Variants in RAC2 observed in about 807,000 individuals in gnomAD.
The protein encoded by RAC2 is ras-related C3 botulinum toxin substrate 2.
Under a neutral mutation model 24.0 loss-of-function variants are expected in RAC2, and 1 was observed. The observed-to-expected ratio is 0.04, with a 90% CI of 0.01 to 0.20. RAC2 has a LOEUF of 0.20. Ranked by LOEUF, RAC2 falls within the 10% of genes least tolerant of loss-of-function variation. The pLI, the probability that RAC2 is intolerant of heterozygous loss-of-function variation, is 1.00. For synonymous variants in RAC2, 114 were observed against 106.8 expected, an observed-to-expected ratio of 1.07 and a Z score of -0.41; for missense variants, 130 against 259.1, an observed-to-expected ratio of 0.50 and a Z score of 3.42.
At chr22:37,228,804 T>A (rs1926965305) in intron 5 of RAC2, among the ~76,000 whole-genome samples, 7 of 151,666 alleles carry the variant, frequency 4.6e-5, no homozygotes, top group Admixed American at 3.3e-4. Flanking sequence ...AAAGGAAGGG[T>A]GGGGCAGGGA....
intron 2 of RAC2, among the ~76,000 whole-genome samples, chr22:37,240,640 G>A (rs1323882241): frequency 6.6e-6 from 1 of 152,192 alleles, no homozygotes; most frequent in African/African-American, 2.4e-5. Context: ...CTGAGATAAT[G>A]GGAGACCCAC....
In RAC2 at chr22:37,235,485, C is replaced by T. The variant is rs79075893; in HGVS notation, c.108-2567G>A. 3.2e-3 allele frequency among the ~76,000 whole-genome samples: 493 copies of T among 152,316 alleles called. 4 individuals carry two copies. The highest frequency in any genetic ancestry group is 0.01 in the Middle Eastern group (3 of 294). On this transcript the variant is annotated intron_variant, in intron 2 of 6. Coordinates refer to ENST00000249071, the MANE Select transcript of RAC2 (RefSeq NM_002872.5). The stretch of plus-strand genomic sequence containing the variant: ...TTCCAGCCATGTCGGGGCTACCACC[C>T]CACCTAAACCAGCACTCCTTGGGGA...
At chr22:37,229,972 A>G (rs1251731846) in intron 5 of RAC2, among the ~76,000 whole-genome samples, 2 of 151,918 alleles carry the variant, frequency 1.3e-5, no homozygotes, top group East Asian at 3.9e-4. Flanking sequence ...CACAGGCTGG[A>G]GAGCTGCACC....
rs1173583949 is a variant in RAC2 at position 37,232,861 on chromosome 22, C to T, written c.165G>A (p.Leu55=). Residue 55 remains leucine (L), a synonymous_variant, in exon 3 of 7, where the codon CTG becomes CTA. Coordinates refer to ENST00000249071, the MANE Select transcript of RAC2 (RefSeq NM_002872.5). The part of the protein sequence containing the change: ...MVDSKPVNLG[L]WDTAGQEDYD... Reference sequence around the variant, plus strand: ...AGTCCTCCTGCCCAGCAGTGTCCCACAGCCCCAGGTTCACTGGCTTGCTGT... The same window carrying T: ...AGTCCTCCTGCCCAGCAGTGTCCCATAGCCCCAGGTTCACTGGCTTGCTGT... 4 of 1,614,128 alleles carry T rather than the reference C, an allele frequency of 2.5e-6. No individual in the cohort carries two copies. The highest frequency in any genetic ancestry group is 3.4e-6 in the Non-Finnish European group (4 of 1,180,030).
rs1319696413 is a variant in RAC2 at position 37,241,015 on chromosome 22, A to G, written c.107+572T>C. ...TGCTAGGGAGTCGGGGAAATGTCCT[A>G]GGAGTGATGGGGACCCCTGAGGGCT... On this transcript the variant is annotated intron_variant, in intron 2 of 6. Coordinates refer to ENST00000249071, the MANE Select transcript of RAC2 (RefSeq NM_002872.5). 8.4e-6 allele frequency: 6 copies of G among 717,164 alleles called. No homozygotes were observed. In the East Asian group the frequency reaches 1.6e-4, roughly 19 times the overall value. The allele number at this position is 717,164 out of a possible 1,614,324, so 44.4% of individuals were successfully genotyped here.
At chr22:37,228,137 C>T (rs1323508304) in intron 5 of RAC2, among the ~76,000 whole-genome samples, 1 of 152,230 alleles carries the variant, frequency 6.6e-6, no homozygotes, top group Non-Finnish European at 1.5e-5. Flanking sequence ...CCCTGTCTTA[C>T]AGACAAGGAA....
intron 2 of RAC2, among the ~76,000 whole-genome samples, chr22:37,240,264 C>A (rs763684438): frequency 6.6e-6 from 1 of 152,202 alleles, no homozygotes; most frequent in Non-Finnish European, 1.5e-5. Flanking sequence ...GAGCCTGATC[C>A]CTGCCCCTGA....
intron 2 of RAC2, among the ~76,000 whole-genome samples, chr22:37,234,209 C>T (rs989536880): frequency 6.6e-6 from 1 of 152,226 alleles, no homozygotes; most frequent in East Asian, 1.9e-4. Flanking sequence ...GGGTGAGGGG[C>T]CTGACAAATA....
intron 2 of RAC2, among the ~76,000 whole-genome samples, chr22:37,238,126 C>T (rs1481294494): frequency 2.0e-5 from 3 of 151,830 alleles, no homozygotes; most frequent in African/African-American, 7.3e-5. Context: ...GCTGGGGAGA[C>T]GGGGGCTGTT....
intron 5 of RAC2, among the ~76,000 whole-genome samples, chr22:37,227,592 C>T (rs113469297): frequency 2.1e-5 from 2 of 95,334 alleles, no homozygotes; most frequent in Non-Finnish European, 4.3e-5. Flanking sequence ...ACCCCTCCCA[C>T]GCCTCCCACA....
chr22:37,241,029 C>A, intron 2 of RAC2: 1 of 717,712 alleles, frequency 1.4e-6, no homozygotes, highest in South Asian at 1.5e-5. Context: ...GTGATGGGGA[C>A]CCCTGAGGGC....
At position 37,231,502 on chromosome 22, in the gene RAC2, C is replaced by A; in HGVS notation, c.289-112G>T. ...TAGGGAGAGGAGAGGCAGCAAGTTG[C>A]CAGAAGATCAGAGGTGGGCACGACG... On this transcript the variant is annotated intron_variant, in intron 4 of 6. Coordinates refer to ENST00000249071, the MANE Select transcript of RAC2 (RefSeq NM_002872.5). This position sits in a 1 kb window ranked among gnomAD's most constrained non-coding sequence, Gnocchi z 5.5. 1 of 1,049,582 alleles carries A rather than the reference C, an allele frequency of 9.5e-7. No individual in the cohort carries two copies. The allele number at this position is 1,049,582 out of a possible 1,614,324, so 65.0% of individuals were successfully genotyped here.
intron 1 of RAC2, among the ~76,000 whole-genome samples, chr22:37,242,437 G>A (rs2145831830): frequency 6.6e-6 from 1 of 152,312 alleles, no homozygotes; most frequent in East Asian, 1.9e-4. Context: ...ACATAGGAAG[G>A]AAGTGATAAC....
chr22:37,240,421 A>C (rs1387243471), intron 2 of RAC2, among the ~76,000 whole-genome samples: 2 of 152,238 alleles, frequency 1.3e-5, no homozygotes, highest in Non-Finnish European at 2.9e-5. Context: ...TGTCCTGTGC[A>C]TGCTAATAGC....
intron 5 of RAC2, 48 bp from the exon 6 acceptor site, chr22:37,226,851 G>A: frequency 4.2e-6 from 6 of 1,426,000 alleles, no homozygotes; most frequent in Non-Finnish European, 9.6e-7. Flanking sequence ...TGGCGGGGGG[G>A]GTTCTGGGCC....
At chr22:37,228,658 C>A (rs941043179) in intron 5 of RAC2, among the ~76,000 whole-genome samples, 3 of 152,198 alleles carry the variant, frequency 2.0e-5, no homozygotes, top group African/African-American at 7.2e-5. Flanking sequence ...GGGTGAGTTC[C>A]CATTTCACAG....
intron 2 of RAC2, among the ~76,000 whole-genome samples, chr22:37,236,004 T>C (rs1488642812): frequency 6.6e-6 from 1 of 152,206 alleles, no homozygotes; most frequent in Non-Finnish European, 1.5e-5. Context: ...ATGAGGAAAC[T>C]GAGGCCTGAA....
At chr22:37,226,623 A>G in intron 6 of RAC2, 48 bp downstream of exon 6, 1 of 1,602,968 alleles carries the variant, frequency 6.2e-7, no homozygotes, top group East Asian at 2.2e-5. Context: ...CTGCTCAGCC[A>G]GGGCCTGCTG....
intron 1 of RAC2, among the ~76,000 whole-genome samples, chr22:37,242,766 G>A (rs927142613): frequency 9.2e-5 from 14 of 152,258 alleles, no homozygotes; most frequent in African/African-American, 3.4e-4. Flanking sequence ...GCTGAGGCTG[G>A]TGGACAAATG....
Sources: gnomAD v4.1 joint callset for allele counts (sites outside exome capture counted in the v4.1 genomes callset) on GRCh38, gnomAD v4.1.1 for gene constraint, Gnocchi (gnomAD v3.1) non-coding constraint, MANE v1.5 for transcripts, NCBI Gene and HGNC (gene_info 2026-07-23, HGNC 2026-07-21) for gene names.